The following DLGAP2 variants were observed in gnomAD, a reference collection of about 807,000 sequenced individuals.
The protein encoded by DLGAP2 is disks large-associated protein 2.
DLGAP2 carries 26 observed loss-of-function variants against 100.3 expected under a neutral mutation model. That is an observed-to-expected ratio of 0.26 (90% CI 0.19 to 0.36). DLGAP2 has a LOEUF of 0.36. DLGAP2 is among the 10% of genes least tolerant of loss of function. DLGAP2 has a pLI of 1.00. For synonymous variants in DLGAP2, 886 were observed against 630.1 expected (o/e 1.41, Z -6.08); for missense variants, 1,858 against 1,453.2 (o/e 1.28, Z -4.53).
At chr8:1,273,557 G>A (rs913455582) in intron 3 of DLGAP2, among the ~76,000 whole-genome samples, 1 of 152,210 alleles carries the variant, frequency 6.6e-6, no homozygotes, top group Non-Finnish European at 1.5e-5. Flanking sequence ...GTCCTGCTCT[G>A]CTGCTTCAGA....
At chr8:877,989 G>A (rs531718943) in intron 1 of DLGAP2, among the ~76,000 whole-genome samples, 18 of 152,168 alleles carry the variant, frequency 1.2e-4, no homozygotes, top group Non-Finnish European at 1.6e-4. Flanking sequence ...CTGAATTTTC[G>A]TAGCTTCTCT....
chr8:1,516,049 ATGAG>A (rs1356059011), intron 4 of DLGAP2, among the ~76,000 whole-genome samples: 8 of 146,604 alleles, frequency 5.5e-5, no homozygotes, highest in African/African-American at 1.3e-4. Context: ...AACTGAGTGA[ATGAG>A]TGAGTGGGTG....
intron 3 of DLGAP2, among the ~76,000 whole-genome samples, chr8:1,283,606 G>GAAC (rs760995263): frequency 6.6e-5 from 10 of 152,158 alleles, no homozygotes; most frequent in Non-Finnish European, 1.2e-4. Context: ...ATGCAGAAAG[G>GAAC]AACAGCGATG....
chr8:1,145,770 C>T (rs1218747429), intron 2 of DLGAP2, among the ~76,000 whole-genome samples: 1 of 133,546 alleles, frequency 7.5e-6, no homozygotes, highest in Admixed American at 7.8e-5. Context: ...CCCCTCCCCC[C>T]ACCCCACAAT....
intron 2 of DLGAP2, among the ~76,000 whole-genome samples, chr8:1,092,020 A>T (rs1286773318): frequency 1.3e-5 from 2 of 152,176 alleles, no homozygotes; most frequent in Admixed American, 6.5e-5. Flanking sequence ...AACAAAACAC[A>T]GCGTCAGAGA....
chr8:1,106,101 G>A (rs1217239795), intron 2 of DLGAP2, among the ~76,000 whole-genome samples: 2 of 145,866 alleles, frequency 1.4e-5, no homozygotes, highest in African/African-American at 5.1e-5. Flanking sequence ...GTTTTGTATT[G>A]AAGGGAGCCA....
intron 2 of DLGAP2, among the ~76,000 whole-genome samples, chr8:908,789 C>G (rs1048491556): frequency 6.6e-6 from 1 of 152,148 alleles, no homozygotes; most frequent in Non-Finnish European, 1.5e-5. Context: ...TAAAAGCAAT[C>G]GTGTGCTGTC....
At chr8:1,438,458 C>G (rs767680850) in intron 3 of DLGAP2, among the ~76,000 whole-genome samples, 1 of 151,998 alleles carries the variant, frequency 6.6e-6, no homozygotes, top group Non-Finnish European at 1.5e-5. Context: ...TTAACAGTAA[C>G]AAGGCCCAAA....
intron 1 of DLGAP2, among the ~76,000 whole-genome samples, chr8:813,351 G>C (rs1216834227): frequency 6.6e-6 from 1 of 151,948 alleles, no homozygotes; most frequent in African/African-American, 2.4e-5. Context: ...ATTTGATAAA[G>C]TGTTTATATT....
intron 3 of DLGAP2, among the ~76,000 whole-genome samples, chr8:1,412,490 C>A (rs1796760538): frequency 6.6e-6 from 1 of 152,220 alleles, no homozygotes; most frequent in South Asian, 2.1e-4. Context: ...CCCACTGCTG[C>A]TACTTGACCT....
intron 3 of DLGAP2, among the ~76,000 whole-genome samples, chr8:1,328,994 C>A (rs1236316773): frequency 6.6e-6 from 1 of 152,228 alleles, no homozygotes; most frequent in Non-Finnish European, 1.5e-5. Flanking sequence ...ACTTTTCAGC[C>A]TTAGATCTGC....
At chr8:1,225,422 A>G (rs1417849690) in intron 2 of DLGAP2, among the ~76,000 whole-genome samples, 2 of 152,230 alleles carry the variant, frequency 1.3e-5, no homozygotes, top group Non-Finnish European at 2.9e-5. Context: ...CAGCGGCAGA[A>G]CAGAGAGGAG....
chr8:1,173,610 C>G (rs1045482139), intron 2 of DLGAP2, among the ~76,000 whole-genome samples: 4 of 152,156 alleles, frequency 2.6e-5, no homozygotes, highest in Non-Finnish European at 4.4e-5. Flanking sequence ...CCCCAGCCTC[C>G]CTGCCGCCTA....
At chr8:1,247,192 C>CCGGCAAGACCTT (rs1208662563) in intron 2 of DLGAP2, 4 of 93,290 alleles carry the variant, frequency 4.3e-5, no homozygotes, top group African/African-American at 1.6e-4. Context: ...ACGTCGGTGG[C>CCGGCAAGACCTT]TGGGAAGACC....
chr8:1,027,780 C>T (rs1373397473), intron 2 of DLGAP2, among the ~76,000 whole-genome samples: 1 of 124,174 alleles, frequency 8.1e-6, no homozygotes, highest in Non-Finnish European at 1.7e-5. Context: ...GTCAGGCGCC[C>T]GTTATTCTCC....
chr8:1,616,580 G>A (rs1418188751), intron 6 of DLGAP2, among the ~76,000 whole-genome samples: 2 of 152,120 alleles, frequency 1.3e-5, no homozygotes, highest in Non-Finnish European at 2.9e-5. Flanking sequence ...AGAAGACAAT[G>A]GAATCATACC....
chr8:1,294,071 C>T (rs1000164467), intron 3 of DLGAP2, among the ~76,000 whole-genome samples: 15 of 152,140 alleles, frequency 9.9e-5, no homozygotes, highest in Admixed American at 8.5e-4. Flanking sequence ...GACTCGCCCT[C>T]GCTTCCTGGA....
At chr8:1,112,675 C>T (rs6558410) in intron 2 of DLGAP2, among the ~76,000 whole-genome samples, 4,492 of 152,256 alleles carry the variant, frequency 0.03, 218 homozygotes, top group African/African-American at 0.1. Context: ...TTTGTCTGTT[C>T]GCTCTGATGA....
chr8:1,416,095 A>G (rs1365368498), intron 3 of DLGAP2, among the ~76,000 whole-genome samples: 1 of 152,180 alleles, frequency 6.6e-6, no homozygotes, highest in Non-Finnish European at 1.5e-5. Flanking sequence ...AACATAGAGG[A>G]CCCTGCATAA....
Sources: gnomAD v4.1 joint callset for allele counts (sites outside exome capture counted in the v4.1 genomes callset) on GRCh38, gnomAD v4.1.1 for gene constraint, MANE v1.5 for transcripts, NCBI Gene and HGNC (gene_info 2026-07-23, HGNC 2026-07-21) for gene names.